Variants in NELL2 observed in about 807,000 individuals in gnomAD.
NELL2 encodes the protein protein kinase C-binding protein NELL2.
A neutral mutation model predicts 109.6 loss-of-function variants in NELL2; 41 were observed. That is an observed-to-expected ratio of 0.37 (90% confidence interval 0.29 to 0.49). NELL2 has a LOEUF of 0.49. Among genes scored for constraint, NELL2 ranks in the 20% least tolerant of loss-of-function variants. The probability of loss-of-function intolerance (pLI) is 0.98; values close to 1 mark genes in which losing one functional copy is unlikely to be tolerated. For synonymous variants in NELL2, 355 were observed against 344.7 expected, an observed-to-expected ratio of 1.03 and a Z score of -0.33; for missense variants, 900 against 1,008.3, an observed-to-expected ratio of 0.89 and a Z score of 1.45.
chr12:44,717,526 T>A (rs1482155878), intron 9 of NELL2, among the ~76,000 whole-genome samples: 2 of 152,124 alleles, frequency 1.3e-5, no homozygotes, highest in African/African-American at 4.8e-5. Context: ...ATATGGAAAC[T>A]CAGGAGACCG....
At chr12:44,554,888 G>C (rs1943185651) in intron 15 of NELL2, among the ~76,000 whole-genome samples, 1 of 152,178 alleles carries the variant, frequency 6.6e-6, no homozygotes, top group African/African-American at 2.4e-5. Context: ...TATTAAAATG[G>C]GGAGTTACTT....
intron 16 of NELL2, among the ~76,000 whole-genome samples, chr12:44,526,726 C>T (rs1346655436): frequency 6.6e-6 from 1 of 152,212 alleles, no homozygotes; most frequent in Non-Finnish European, 1.5e-5. Flanking sequence ...GAAAGAAGAG[C>T]AAGATTTTGC....
chr12:44,851,227 T>G (rs1411560311), intron 2 of NELL2, among the ~76,000 whole-genome samples: 1 of 152,120 alleles, frequency 6.6e-6, no homozygotes, highest in African/African-American at 2.4e-5. Context: ...TAATGACATC[T>G]GCTTGGGTTA....
chr12:44,532,055 A>C (rs1212838799), intron 16 of NELL2, among the ~76,000 whole-genome samples: 2 of 152,188 alleles, frequency 1.3e-5, no homozygotes, highest in Non-Finnish European at 2.9e-5. Flanking sequence ...CTTAGATTGA[A>C]AACTTAATGG....
chr12:44,766,906 A>G (rs1941357116), intron 9 of NELL2, among the ~76,000 whole-genome samples: 1 of 152,246 alleles, frequency 6.6e-6, no homozygotes, highest in African/African-American at 2.4e-5. Context: ...GTGTAATGGG[A>G]CATGAAAAAT....
chr12:44,651,513 A>T (rs1420310029), intron 13 of NELL2, among the ~76,000 whole-genome samples: 1 of 152,168 alleles, frequency 6.6e-6, no homozygotes, highest in African/African-American at 2.4e-5. Context: ...TGACTATACT[A>T]TTTAAGGTTA....
intron 1 of NELL2, among the ~76,000 whole-genome samples, chr12:44,895,800 A>C (rs2136874759): frequency 6.6e-6 from 1 of 152,306 alleles, no homozygotes; most frequent in East Asian, 1.9e-4. Flanking sequence ...CACAGCCTAA[A>C]GAATTCATTT....
At chr12:44,758,494 C>T (rs1010088771) in intron 9 of NELL2, among the ~76,000 whole-genome samples, 10 of 152,208 alleles carry the variant, frequency 6.6e-5, no homozygotes, top group African/African-American at 2.2e-4. Context: ...ATAATCTCAA[C>T]TTACTGTTAA....
intron 2 of NELL2, among the ~76,000 whole-genome samples, chr12:44,827,092 T>C (rs1030528873): frequency 6.6e-6 from 1 of 152,212 alleles, no homozygotes; most frequent in East Asian, 1.9e-4. Flanking sequence ...ATAATTCTGC[T>C]TTAAAAATTA....
chr12:44,573,566 A>C (rs1184882666), intron 15 of NELL2, among the ~76,000 whole-genome samples: 1 of 152,244 alleles, frequency 6.6e-6, no homozygotes, highest in Non-Finnish European at 1.5e-5. Context: ...AAATTTGAAG[A>C]CCAAAACATC....
chr12:44,510,549 G>C (rs1940953519), intron 19 of NELL2, among the ~76,000 whole-genome samples: 1 of 152,188 alleles, frequency 6.6e-6, no homozygotes, highest in South Asian at 2.1e-4. Context: ...TGATAGTCTA[G>C]CCTTTGCTAA....
chr12:44,586,172 T>A (rs1019188000), intron 15 of NELL2, among the ~76,000 whole-genome samples: 9 of 149,026 alleles, frequency 6.0e-5, no homozygotes, highest in Non-Finnish European at 8.9e-5. Context: ...CTTGTTTTAA[T>A]GTATATGTAT....
At chr12:44,816,382 T>G (rs1462187675) in intron 2 of NELL2, among the ~76,000 whole-genome samples, 1 of 152,174 alleles carries the variant, frequency 6.6e-6, no homozygotes, top group Non-Finnish European at 1.5e-5. Flanking sequence ...AAATGTCACC[T>G]TTGAAGCAAA....
intron 9 of NELL2, among the ~76,000 whole-genome samples, chr12:44,741,196 T>C (rs1592436323): frequency 6.6e-6 from 1 of 152,162 alleles, no homozygotes; most frequent in East Asian, 1.9e-4. Context: ...AAATAGTAAA[T>C]ACATTTTCTA....
chr12:44,776,910 T>C, intron 7 of NELL2, 132 bp downstream of exon 7: 1 of 722,530 alleles, frequency 1.4e-6, no homozygotes, highest in Non-Finnish European at 2.3e-6. Context: ...TAAGCAGAGA[T>C]TTAGATTCAG....
intron 13 of NELL2, among the ~76,000 whole-genome samples, chr12:44,630,707 A>T (rs201278815): frequency 6.6e-6 from 1 of 152,156 alleles, no homozygotes; most frequent in Admixed American, 6.6e-5. Flanking sequence ...AAACACATCA[A>T]GAGAACAGTC....
chr12:44,857,131 C>T (rs1944706971), intron 2 of NELL2, among the ~76,000 whole-genome samples: 1 of 152,130 alleles, frequency 6.6e-6, no homozygotes, highest in African/African-American at 2.4e-5. Context: ...AAAGTGACAA[C>T]CTACCTGAAT....
At position 44,863,108 on chromosome 12, in the gene NELL2, C is replaced by T. The variant is rs554389984; in HGVS notation, c.184+12117G>A. Among the ~76,000 whole-genome samples the T allele has an allele frequency of 1.9e-4, 29 of 151,994 alleles. No individual in the cohort carries two copies. In the East Asian group the frequency reaches 3.5e-3, roughly 18 times the overall value. ...TTCGTTCCCCTAGCCCCCCACCCCACGACAGGCCCCAGTGTGTGATGTTTC... is the reference window on the plus strand; with the variant it reads ...TTCGTTCCCCTAGCCCCCCACCCCATGACAGGCCCCAGTGTGTGATGTTTC... On this transcript the variant is annotated intron_variant, in intron 2 of 19. Transcript: ENST00000429094.
intron 2 of NELL2, among the ~76,000 whole-genome samples, chr12:44,818,824 G>A (rs1412390188): frequency 2.2e-5 from 3 of 135,402 alleles, no homozygotes; most frequent in Non-Finnish European, 3.1e-5. Flanking sequence ...CTCACTGCAA[G>A]CTCCGCTTCC....
Sources: allele counts gnomAD v4.1 joint callset (sites outside exome capture counted in the v4.1 genomes callset), GRCh38; gene constraint gnomAD v4.1.1; transcripts MANE v1.5; gene names NCBI Gene and HGNC (gene_info 2026-07-23, HGNC 2026-07-21).